LGR5: variants seen among roughly 807,000 people sequenced by gnomAD.
LGR5 encodes leucine-rich repeat-containing G protein-coupled receptor 5.
LGR5 carries 54 observed loss-of-function variants against 76.7 expected under a neutral mutation model. The observed-to-expected ratio is 0.70, with a 90% CI of 0.57 to 0.88. The LOEUF (loss-of-function observed/expected upper bound fraction) is 0.88, where lower values mean the gene tolerates loss of function less well. Among genes scored for constraint, LGR5 ranks in the 40% least tolerant of loss-of-function variants. LGR5 has a pLI of 0.00. For synonymous variants in LGR5, 406 were observed against 421.9 expected, an observed-to-expected ratio of 0.96 and a Z score of 0.46; for missense variants, 1,078 against 1,073.3, an observed-to-expected ratio of 1.00 and a Z score of -0.06.
At chr12:71,535,537 C>G (rs893209335) in intron 4 of LGR5, among the ~76,000 whole-genome samples, 2 of 151,990 alleles carry the variant, frequency 1.3e-5, no homozygotes, top group Middle Eastern at 3.4e-3. Flanking sequence ...ATGCTGTAAT[C>G]TAGACATTTT....
intron 1 of LGR5, among the ~76,000 whole-genome samples, chr12:71,475,870 AC>A (rs1873311688): frequency 6.6e-6 from 1 of 152,170 alleles, no homozygotes; most frequent in Non-Finnish European, 1.5e-5. Context: ...GGACAATGAA[AC>A]TTTTACCATT....
Position 71,440,493 on chromosome 12 carries a change from C to T in LGR5, c.212+201C>T, listed in dbSNP as rs184335025. Among the ~76,000 whole-genome samples, 7 of 152,312 alleles carry T rather than the reference C, an allele frequency of 4.6e-5. No individual in the cohort carries two copies. In the East Asian group the frequency reaches 9.7e-4, roughly 21 times the overall value. On this transcript the variant is annotated intron_variant, in intron 1 of 17. Transcript: ENST00000266674. The surrounding 1 kb of genome is among the most constrained non-coding windows in gnomAD (Gnocchi z 5.3). ...GAGTAGCGTGCCGGCACTTTCTGGA[C>T]CCGCAGAGAAATGGCTTCGAGTGCA...
chr12:71,535,094 T>C (rs754615280), intron 3 of LGR5, 21 bp from the exon 4 acceptor site: 7 of 1,562,466 alleles, frequency 4.5e-6, no homozygotes, highest in Admixed American at 1.7e-5. Flanking sequence ...AACATTTTTC[T>C]TTATTTCTTT....
Position 71,585,346 on chromosome 12 carries a change from A to C in LGR5, c.*612A>C, listed in dbSNP as rs1456981515. The C allele has an allele frequency of 6.6e-6, 1 of 152,518 alleles. No homozygotes were observed. Among genetic ancestry groups the C allele is most frequent in the Non-Finnish European group, 1.5e-5 (1 of 68,268 alleles). 9.4% of individuals were successfully genotyped at this position (152,518 alleles called of 1,614,324 possible). Reference sequence around the variant, plus strand: ...TATTGAGATCATTTTTAGAGATACCAGGTTTTATGTATCAGCACTAGATGG... The same window carrying C: ...TATTGAGATCATTTTTAGAGATACCCGGTTTTATGTATCAGCACTAGATGG... On this transcript the variant is annotated 3_prime_UTR_variant, in exon 18 of 18. Transcript: ENST00000266674.
rs61737421 is a variant in LGR5 at position 71,553,103 on chromosome 12, G to T, written c.459G>T (p.Val153=). 414 of 1,613,900 alleles carry T rather than the reference G, an allele frequency of 2.6e-4. No homozygotes were observed. In the African/African-American group the frequency reaches 4.3e-3, roughly 17 times the overall value. Residue 153 remains valine, a synonymous_variant, in exon 5 of 18, where the codon GTG becomes GTT. Transcript: ENST00000266674. ...TGGATGCTAACCACATCAGCTATGT[G>T]CCCCCAAGCTGTTTCAGTGGCCTGC... The part of the protein sequence containing the change: ...LRLDANHISY[V]PPSCFSGLHS...
chr12:71,450,145 T>G (rs140115957), intron 1 of LGR5, among the ~76,000 whole-genome samples: 191 of 152,312 alleles, frequency 1.3e-3, no homozygotes, highest in Admixed American at 2.0e-3. Context: ...AGAATTGGAC[T>G]CCAGATCTCC....
intron 4 of LGR5, among the ~76,000 whole-genome samples, chr12:71,546,825 T>C (rs1489300499): frequency 2.6e-5 from 4 of 152,182 alleles, no homozygotes; most frequent in Admixed American, 6.5e-5. Context: ...AGAGGATAAG[T>C]CATTTCTTGT....
chr12:71,512,818 A>G (rs11178835), intron 2 of LGR5, among the ~76,000 whole-genome samples: 1 of 152,214 alleles, frequency 6.6e-6, no homozygotes, highest in African/African-American at 2.4e-5. Context: ...GCAGCAGGAC[A>G]TCTAAATGGG....
intron 2 of LGR5, among the ~76,000 whole-genome samples, chr12:71,510,290 A>G (rs973178492): frequency 1.3e-5 from 2 of 152,184 alleles, no homozygotes; most frequent in African/African-American, 2.4e-5. Flanking sequence ...TTGTATGGGT[A>G]GTCTTCCAAA....
chr12:71,574,609 A>T (rs1348549753), intron 13 of LGR5, among the ~76,000 whole-genome samples: 1 of 152,032 alleles, frequency 6.6e-6, no homozygotes, highest in Non-Finnish European at 1.5e-5. Context: ...AAACTTTCTA[A>T]TTATTTCCCT....
intron 1 of LGR5, among the ~76,000 whole-genome samples, chr12:71,453,035 G>A (rs528720892): frequency 3.6e-4 from 55 of 152,188 alleles, no homozygotes; most frequent in Non-Finnish European, 6.9e-4. Context: ...TAATTGCCCT[G>A]AATGTTTAAA....
chr12:71,560,876 T>A, intron 7 of LGR5, among the ~76,000 whole-genome samples: 1 of 152,208 alleles, frequency 6.6e-6, no homozygotes, highest in African/African-American at 2.4e-5. Context: ...AAATGTTCAA[T>A]GAATCTTATT....
At chr12:71,452,885 G>A (rs542981684) in intron 1 of LGR5, among the ~76,000 whole-genome samples, 4 of 152,234 alleles carry the variant, frequency 2.6e-5, no homozygotes, top group South Asian at 4.2e-4. Context: ...CACTTTGCAT[G>A]GCACCTTACT....
rs568196225 is a variant in LGR5, at chr12:71,511,165, C to T, written c.284+6480C>T. Among the ~76,000 whole-genome samples, 5 of 152,266 alleles carry T rather than the reference C, an allele frequency of 3.3e-5. No individual in the cohort carries two copies. The South Asian group carries it at 6.2e-4, about 19-fold the overall frequency. On this transcript the variant is annotated intron_variant, in intron 2 of 17. Transcript: ENST00000266674. ...AGCCGAAGGACCTGGTAGGAGGCTA[C>T]GATAGGTGTCTGGGCGAGAAACTCA...
At chr12:71,578,139 G>A in intron 14 of LGR5, 143 bp downstream of exon 14, 1 of 611,326 alleles carries the variant, frequency 1.6e-6, no homozygotes, top group Non-Finnish European at 2.9e-6. Context: ...GCTTGTCAGA[G>A]CCAGGGAGGA....
chr12:71,482,993 A>T (rs968778952), intron 1 of LGR5, among the ~76,000 whole-genome samples: 4 of 152,166 alleles, frequency 2.6e-5, no homozygotes, highest in African/African-American at 9.7e-5. Context: ...GGGTTCTGAC[A>T]TTACTGCACC....
Position 71,530,404 on chromosome 12 carries a change from G to T in LGR5, c.357-4711G>T, listed in dbSNP as rs1220167449. On this transcript the variant is annotated intron_variant, in intron 3 of 17. Coordinates refer to ENST00000266674, the MANE Select transcript of LGR5 (RefSeq NM_003667.4). Reference sequence around the variant, plus strand: ...ATATGGTGAGAAAGATAATGTGAGAGTAATATTTGTCTGGGGCCCTGACCT... The same window carrying T: ...ATATGGTGAGAAAGATAATGTGAGATTAATATTTGTCTGGGGCCCTGACCT... Among the ~76,000 whole-genome samples the T allele has an allele frequency of 4.6e-5, 7 of 152,146 alleles. No homozygotes were observed. In the East Asian group the frequency reaches 1.3e-3, roughly 29 times the overall value.
intron 13 of LGR5, 52 bp from the exon 14 acceptor site, chr12:71,577,873 T>G: frequency 8.2e-7 from 1 of 1,219,188 alleles, no homozygotes; most frequent in African/African-American, 1.5e-5. Context: ...TGATAAAACT[T>G]CACATGTTCT....
chr12:71,454,603 G>A (rs1033410741), intron 1 of LGR5, among the ~76,000 whole-genome samples: 1 of 152,082 alleles, frequency 6.6e-6, no homozygotes, highest in Non-Finnish European at 1.5e-5. Flanking sequence ...AATACCCAAA[G>A]GAACTCAAAG....
Sources: gnomAD v4.1 joint callset for allele counts (sites outside exome capture counted in the v4.1 genomes callset) on GRCh38, gnomAD v4.1.1 for gene constraint, Gnocchi (gnomAD v3.1) non-coding constraint, MANE v1.5 for transcripts, NCBI Gene and HGNC (gene_info 2026-07-23, HGNC 2026-07-21) for gene names.